The following FAM184B variants were observed in gnomAD, a reference collection of about 807,000 sequenced individuals.
The protein encoded by FAM184B is protein FAM184B.
FAM184B carries 111 observed loss-of-function variants against 135.9 expected under a neutral mutation model. The observed-to-expected ratio is 0.82, with a 90% CI of 0.70 to 0.96. FAM184B has a LOEUF of 0.96. Among genes scored for constraint, FAM184B ranks in the 40% least tolerant of loss-of-function variants. FAM184B has a pLI of 0.00. For missense variants in FAM184B, 1,375 were observed against 1,323.9 expected (o/e 1.04, Z -0.60); for synonymous variants, 552 against 524.8 (o/e 1.05, Z -0.71).
rs568709169 is a variant in FAM184B, at chr4:17,766,884, GC to G, written c.141+14274del. Among the ~76,000 whole-genome samples the G allele has an allele frequency of 2.0e-5, 3 of 152,322 alleles. No homozygotes were observed. In the East Asian group the frequency reaches 5.8e-4, roughly 29 times the overall value. On this transcript the variant is annotated intron_variant, in intron 1 of 17. Transcript: ENST00000265018. ...GGCAGCGCTCATTGGGGAGGCTCCG[GC>G]CGCACAGGAGCCTATGGTGCAGGGG...
intron 13 of FAM184B, 46 bp from the exon 14 acceptor site, chr4:17,639,442 G>T: frequency 6.5e-7 from 1 of 1,545,786 alleles, no homozygotes; most frequent in South Asian, 1.2e-5. Context: ...CTCCAGGGAT[G>T]GCACCCCTTG....
intron 1 of FAM184B, among the ~76,000 whole-genome samples, chr4:17,775,444 CA>C (rs1360664132): frequency 1.3e-5 from 2 of 152,202 alleles, no homozygotes; most frequent in Non-Finnish European, 2.9e-5. Flanking sequence ...CTCGGCCTCC[CA>C]AACTGCTGGG....
chr4:17,640,316 CAAAAAAA>C (rs376386841), intron 13 of FAM184B, among the ~76,000 whole-genome samples: 3 of 133,848 alleles, frequency 2.2e-5, no homozygotes, highest in African/African-American at 8.3e-5. Flanking sequence ...ACTAAAAATA[CAAAAAAA>C]AAAAAAAAAA....
intron 12 of FAM184B, among the ~76,000 whole-genome samples, chr4:17,644,535 G>A (rs967960898): frequency 1.3e-5 from 2 of 152,108 alleles, no homozygotes; most frequent in African/African-American, 4.8e-5. Context: ...AAATTCAACA[G>A]CCCTTCATGC....
chr4:17,634,954 A>T, intron 16 of FAM184B, 55 bp downstream of exon 16: 1 of 1,330,134 alleles, frequency 7.5e-7, no homozygotes, highest in Non-Finnish European at 1.0e-6. Flanking sequence ...TACCTTTAAG[A>T]AAAACGAAAC....
intron 1 of FAM184B, among the ~76,000 whole-genome samples, chr4:17,715,187 T>C (rs1193808681): frequency 6.6e-6 from 1 of 152,176 alleles, no homozygotes; most frequent in Non-Finnish European, 1.5e-5. Flanking sequence ...AAGAAATTAA[T>C]GTTGGGGCCA....
chr4:17,668,668 G>C (rs1232539539), intron 7 of FAM184B, among the ~76,000 whole-genome samples: 1 of 152,204 alleles, frequency 6.6e-6, no homozygotes, highest in Non-Finnish European at 1.5e-5. Context: ...AAGTAGCTGG[G>C]ACTACAGGCG....
chr4:17,688,470 C>T lies in FAM184B; in HGVS notation c.1550G>A (p.Ser517Asn), dbSNP rs902895758. 19 of 1,551,052 alleles carry T rather than the reference C, an allele frequency of 1.2e-5. No individual in the cohort carries two copies. Among genetic ancestry groups the T allele is most frequent in the Non-Finnish European group, 1.7e-5 (19 of 1,146,882 alleles). ...GTGCTGGCGGCCTAATTCCTGGGGA[C>T]TTTCCTCAGCTCCTGTGGGGCGTGT... The part of the protein sequence containing the change: ...NKTRPTGAEE[S>N]PQELGRQHCS... Residue 517 changes from serine to asparagine, a missense_variant, in exon 7 of 18, where the codon AGT (serine) becomes AAT (asparagine). By Grantham distance (46) the Ser-to-Asn change is conservative. Transcript: ENST00000265018.
At position 17,764,670 on chromosome 4, in the gene FAM184B, A is replaced by C. The variant is rs137942575; in HGVS notation, c.141+16489T>G. On this transcript the variant is annotated intron_variant, in intron 1 of 17. Transcript: ENST00000265018. ...TGTTGAGAGCAGGGCAGTATGCTAGAAGCTGTTGGGAGTTCAAAGATGAGA... is the reference window on the plus strand; with the variant it reads ...TGTTGAGAGCAGGGCAGTATGCTAGCAGCTGTTGGGAGTTCAAAGATGAGA... 3.1e-3 allele frequency among the ~76,000 whole-genome samples: 475 copies of C among 152,362 alleles called. 1 individual carries two copies. The highest frequency in any genetic ancestry group is 0.011 in the African/African-American group (443 of 41,574).
rs550251179 is a variant in FAM184B, at chr4:17,658,770, G to C, written c.1825-208C>G. On this transcript the variant is annotated intron_variant, in intron 9 of 17. Transcript: ENST00000265018. ...CCACAAATGCCAGGAAGGAGGAAAA[G>C]AGGGGTGGGGACATCAACCTTTCAA... Among the ~76,000 whole-genome samples, 7 of 152,058 alleles carry C rather than the reference G, an allele frequency of 4.6e-5. No homozygotes were observed. In the South Asian group the frequency reaches 1.5e-3, roughly 32 times the overall value.
chr4:17,767,070 T>C (rs557130057), intron 1 of FAM184B, among the ~76,000 whole-genome samples: 1 of 152,172 alleles, frequency 6.6e-6, no homozygotes, highest in African/African-American at 2.4e-5. Flanking sequence ...CCTCACTGCC[T>C]GGGGCCAGCA....
At chr4:17,661,052 G>A (rs1185025859) in intron 8 of FAM184B, among the ~76,000 whole-genome samples, 1 of 152,088 alleles carries the variant, frequency 6.6e-6, no homozygotes, top group Non-Finnish European at 1.5e-5. Flanking sequence ...CCAAGAGAAT[G>A]GTGCAAAAGC....
Position 17,707,700 on chromosome 4 carries a change from C to A in FAM184B, c.979G>T (p.Val327Phe). 1.3e-6 allele frequency: 2 copies of A among 1,551,860 alleles called. No homozygotes were observed. The highest frequency in any genetic ancestry group is 1.7e-6 in the Non-Finnish European group (2 of 1,147,038). The change falls in exon 3 of 18, where the codon GTT (valine) becomes TTT (phenylalanine). Residue 327 changes from valine to phenylalanine, a missense_variant. Transcript: ENST00000265018. ...TAKKLGEKLA[V>F]AKDRMMLQEC... The stretch of plus-strand genomic sequence containing the variant: ...TGCAGCATCATTCTGTCTTTGGCAA[C>A]AGCCAGCTTCTCCCCAAGTTTTTTT...
At chr4:17,654,863 CTTTTT>C (rs1184715122) in intron 10 of FAM184B, among the ~76,000 whole-genome samples, 1 of 151,208 alleles carries the variant, frequency 6.6e-6, no homozygotes, top group African/African-American at 2.4e-5. Flanking sequence ...TTTTCTTTTT[CTTTTT>C]TTGAGACGAG....
intron 1 of FAM184B, among the ~76,000 whole-genome samples, chr4:17,734,276 G>C (rs1310513606): frequency 6.6e-6 from 1 of 152,124 alleles, no homozygotes; most frequent in Non-Finnish European, 1.5e-5. Flanking sequence ...CATGGGCAAG[G>C]ACTTCATGTC....
At chr4:17,677,628 T>C (rs887415916) in intron 7 of FAM184B, among the ~76,000 whole-genome samples, 2 of 152,074 alleles carry the variant, frequency 1.3e-5, no homozygotes, top group African/African-American at 2.4e-5. Context: ...TTGACACTAA[T>C]CTACAAGATA....
At chr4:17,639,484 C>G in intron 13 of FAM184B, 88 bp from the exon 14 acceptor site, 1 of 1,452,958 alleles carries the variant, frequency 6.9e-7, no homozygotes, top group Non-Finnish European at 9.3e-7. Flanking sequence ...CATCGCTGCC[C>G]AGTTTGGGAG....
chr4:17,750,821 G>T (rs1011923224), intron 1 of FAM184B, among the ~76,000 whole-genome samples: 2 of 152,040 alleles, frequency 1.3e-5, no homozygotes, highest in Non-Finnish European at 2.9e-5. Flanking sequence ...CCCCAGTTTT[G>T]TTCAGCTGTT....
intron 5 of FAM184B, among the ~76,000 whole-genome samples, chr4:17,703,929 C>CA (rs11430688): frequency 0.67 from 93,906 of 139,828 alleles, 31,948 homozygotes; most frequent in Non-Finnish European, 0.78. Flanking sequence ...GACTCCGTTT[C>CA]AAAAAAAAAA....
Sources: gnomAD v4.1 joint callset for allele counts (sites outside exome capture counted in the v4.1 genomes callset) on GRCh38, gnomAD v4.1.1 for gene constraint, MANE v1.5 for transcripts, NCBI Gene and HGNC (gene_info 2026-07-23, HGNC 2026-07-21) for gene names.